SORCS2: variants seen among roughly 807,000 people sequenced by gnomAD.
SORCS2 encodes the protein sortilin related VPS10 domain containing receptor 2, also known as VPS10 domain-containing receptor SorCS2.
In SORCS2, 100 loss-of-function variants were observed where a neutral mutation model predicts 141.6. The observed-to-expected ratio is 0.71, with a 90% CI of 0.60 to 0.83. The LOEUF (loss-of-function observed/expected upper bound fraction) is 0.83, where lower values mean the gene tolerates loss of function less well. Ranked by LOEUF, SORCS2 falls within the 40% of genes least tolerant of loss-of-function variation. The probability of loss-of-function intolerance (pLI) is 0.00; values close to 1 mark genes in which losing one functional copy is unlikely to be tolerated. For synonymous variants in SORCS2, 789 were observed against 676.9 expected, an observed-to-expected ratio of 1.17 and a Z score of -2.57; for missense variants, 1,646 against 1,560.2, an observed-to-expected ratio of 1.05 and a Z score of -0.93.
At chr4:7,543,054 C>T (rs1207370232) in intron 3 of SORCS2, among the ~76,000 whole-genome samples, 1 of 152,208 alleles carries the variant, frequency 6.6e-6, no homozygotes, top group East Asian at 1.9e-4. Flanking sequence ...CAGCACGTGT[C>T]AGTGGCCAGC....
chr4:7,230,137 T>C (rs71612271), intron 1 of SORCS2, among the ~76,000 whole-genome samples: 7 of 112,784 alleles, frequency 6.2e-5, no homozygotes, highest in Admixed American at 8.9e-5. Flanking sequence ...TGGGCAGGAG[T>C]AGTGTCATGT....
At chr4:7,593,416 C>A (rs536473038) in intron 3 of SORCS2, among the ~76,000 whole-genome samples, 23 of 152,320 alleles carry the variant, frequency 1.5e-4, no homozygotes, top group African/African-American at 5.3e-4. Context: ...CAGGCTGTGA[C>A]AGGTGCCTGC....
chr4:7,338,134 G>T (rs1050815796), intron 1 of SORCS2, among the ~76,000 whole-genome samples: 12 of 139,300 alleles, frequency 8.6e-5, no homozygotes, highest in Non-Finnish European at 1.9e-4. Context: ...TGGATGGATG[G>T]ATGTTGGTTG....
At chr4:7,254,431 T>G (rs928161633) in intron 1 of SORCS2, among the ~76,000 whole-genome samples, 1 of 152,216 alleles carries the variant, frequency 6.6e-6, no homozygotes, top group Non-Finnish European at 1.5e-5. Context: ...GAGAGTCAGA[T>G]ATAGCATGAT....
chr4:7,484,674 A>G (rs1322528296), intron 2 of SORCS2, among the ~76,000 whole-genome samples: 2 of 152,208 alleles, frequency 1.3e-5, no homozygotes, highest in African/African-American at 4.8e-5. Flanking sequence ...AAAGCTAAAA[A>G]ACAAAATGAT....
intron 3 of SORCS2, among the ~76,000 whole-genome samples, chr4:7,620,122 T>C (rs982382643): frequency 3.9e-5 from 6 of 152,080 alleles, no homozygotes; most frequent in Non-Finnish European, 1.5e-5. Flanking sequence ...GCGTTTCTCC[T>C]GAGCACCCCC....
intron 2 of SORCS2, among the ~76,000 whole-genome samples, chr4:7,517,621 G>A (rs1170994610): frequency 6.6e-6 from 1 of 152,182 alleles, no homozygotes; most frequent in Non-Finnish European, 1.5e-5. Context: ...CCCCCTAAGA[G>A]TAAACGGAGG....
chr4:7,402,058 A>G (rs1481871915), intron 2 of SORCS2, among the ~76,000 whole-genome samples: 2 of 152,200 alleles, frequency 1.3e-5, no homozygotes, highest in Non-Finnish European at 2.9e-5. Context: ...TCGCATGATT[A>G]GTGTGGGCCA....
chr4:7,610,132 T>A (rs1461722027), intron 3 of SORCS2, among the ~76,000 whole-genome samples: 2 of 151,992 alleles, frequency 1.3e-5, no homozygotes, highest in Non-Finnish European at 2.9e-5. Flanking sequence ...GCCAGGGAAT[T>A]GGGGGGAAAT....
chr4:7,529,878 CA>C (rs1259952729), intron 2 of SORCS2, among the ~76,000 whole-genome samples: 2 of 152,164 alleles, frequency 1.3e-5, no homozygotes, highest in African/African-American at 4.8e-5. Flanking sequence ...CTGGGGAGAC[CA>C]GGGGCAGACA....
intron 2 of SORCS2, among the ~76,000 whole-genome samples, chr4:7,482,542 C>T (rs374276613): frequency 7.3e-5 from 6 of 82,566 alleles, no homozygotes; most frequent in Admixed American, 1.1e-4. Context: ...ATCCCCACTG[C>T]GGACACCCCT....
At chr4:7,222,214 T>C (rs766236973) in intron 1 of SORCS2, among the ~76,000 whole-genome samples, 6 of 152,158 alleles carry the variant, frequency 3.9e-5, no homozygotes, top group Non-Finnish European at 7.3e-5. Context: ...GCAAGATTCA[T>C]GGTACCTAAA....
intron 1 of SORCS2, among the ~76,000 whole-genome samples, chr4:7,361,556 C>T (rs1477695166): frequency 1.3e-5 from 2 of 151,932 alleles, no homozygotes; most frequent in Non-Finnish European, 2.9e-5. Context: ...AGGCCCCCTG[C>T]CTCTGTTATC....
chr4:7,337,367 G>A (rs1720050122), intron 1 of SORCS2, among the ~76,000 whole-genome samples: 1 of 152,188 alleles, frequency 6.6e-6, no homozygotes, highest in African/African-American at 2.4e-5. Context: ...GGGGGCAGGA[G>A]TGGTCAGGCT....
At chr4:7,388,011 C>G (rs1208156343) in intron 1 of SORCS2, among the ~76,000 whole-genome samples, 1 of 150,906 alleles carries the variant, frequency 6.6e-6, no homozygotes, top group Non-Finnish European at 1.5e-5. Context: ...CATGCACATG[C>G]ATACAGATAC....
chr4:7,553,088 G>A (rs1318824149), intron 3 of SORCS2, among the ~76,000 whole-genome samples: 1 of 152,158 alleles, frequency 6.6e-6, no homozygotes, highest in Non-Finnish European at 1.5e-5. Flanking sequence ...CAGTGATGTG[G>A]AGGGGGCGCT....
intron 24 of SORCS2, 55 bp downstream of exon 24, chr4:7,733,476 G>A: frequency 3.5e-6 from 5 of 1,411,128 alleles, no homozygotes; most frequent in Non-Finnish European, 4.8e-6. Context: ...CCGGGCCCTG[G>A]AGAAGCCATG....
chr4:7,366,420 C>T lies in SORCS2; in HGVS notation c.481-29868C>T, dbSNP rs187648453. On this transcript the variant is annotated intron_variant, in intron 1 of 26. Transcript: ENST00000507866. Reference sequence around the variant, plus strand: ...TGCTCCCCTGGCTCAGCACAGGAGGCGTTTCCATCCCATAGGTCAGTCCTC... The same window carrying T: ...TGCTCCCCTGGCTCAGCACAGGAGGTGTTTCCATCCCATAGGTCAGTCCTC... Among the ~76,000 whole-genome samples, 321 of 151,586 alleles carry T rather than the reference C, an allele frequency of 2.1e-3. 2 individuals carry two copies. The highest frequency in any genetic ancestry group is 7.3e-3 in the African/African-American group (301 of 41,254).
At chr4:7,434,627 AC>A (rs1166723410) in intron 2 of SORCS2, 7 of 1,613,142 alleles carry the variant, frequency 4.3e-6, no homozygotes, top group Admixed American at 1.7e-5. Context: ...AGGATGTCAG[AC>A]TCCGTGGCGT....
Sources: gnomAD v4.1 joint callset for allele counts (sites outside exome capture counted in the v4.1 genomes callset) on GRCh38, gnomAD v4.1.1 for gene constraint, MANE v1.5 for transcripts, NCBI Gene and HGNC (gene_info 2026-07-23, HGNC 2026-07-21) for gene names.